Variants in OPCML observed in about 807,000 individuals in gnomAD.
OPCML encodes opioid-binding protein/cell adhesion molecule.
Under a neutral mutation model 37.8 loss-of-function variants are expected in OPCML, and 13 were observed. That is an observed-to-expected ratio of 0.34 (90% CI 0.22 to 0.55). The LOEUF (loss-of-function observed/expected upper bound fraction) is 0.55. Ranked by LOEUF, OPCML falls within the 20% of genes least tolerant of loss-of-function variation. The probability of loss-of-function intolerance (pLI) is 0.91; values close to 1 mark genes in which losing one functional copy is unlikely to be tolerated. For missense variants in OPCML, 341 were observed against 435.6 expected (o/e 0.78, Z 1.93); for synonymous variants, 176 against 168.8 (o/e 1.04, Z -0.33).
intron 1 of OPCML, among the ~76,000 whole-genome samples, chr11:133,068,404 T>A (rs1011392915): frequency 1.3e-5 from 2 of 152,224 alleles, no homozygotes; most frequent in African/African-American, 2.4e-5. Flanking sequence ...TATGCCCAAA[T>A]GGTAAAGGGG....
intron 1 of OPCML, among the ~76,000 whole-genome samples, chr11:133,123,533 A>T (rs1279477650): frequency 6.6e-6 from 1 of 152,176 alleles, no homozygotes; most frequent in African/African-American, 2.4e-5. Context: ...TCCGAGGGTG[A>T]CAAGCTATTC....
chr11:133,222,028 T>TA (rs1466409193), intron 1 of OPCML, among the ~76,000 whole-genome samples: 2 of 152,184 alleles, frequency 1.3e-5, no homozygotes, highest in African/African-American at 4.8e-5. Flanking sequence ...TCCCAGTGTA[T>TA]ACCCTCCCAA....
intron 1 of OPCML, among the ~76,000 whole-genome samples, chr11:133,524,184 G>T (rs954081714): frequency 1.3e-5 from 2 of 152,212 alleles, no homozygotes; most frequent in Admixed American, 1.3e-4. Flanking sequence ...ATTCAGAGAT[G>T]AATAAGTCAG....
intron 2 of OPCML, among the ~76,000 whole-genome samples, chr11:132,683,988 AC>A (rs991224359): frequency 3.3e-5 from 5 of 152,090 alleles, no homozygotes; most frequent in African/African-American, 1.2e-4. Flanking sequence ...TTTGTCTCCA[AC>A]TTTATACTTG....
chr11:132,460,422 C>A (rs2096097329), intron 4 of OPCML, among the ~76,000 whole-genome samples: 1 of 152,100 alleles, frequency 6.6e-6, no homozygotes, highest in African/African-American at 2.4e-5. Context: ...AGAGTTTCAA[C>A]CTCACAAACC....
At chr11:132,587,005 A>G (rs1443359851) in intron 3 of OPCML, among the ~76,000 whole-genome samples, 1 of 152,224 alleles carries the variant, frequency 6.6e-6, no homozygotes, top group Non-Finnish European at 1.5e-5. Context: ...TGATTTGTTT[A>G]CTGGGTGACA....
chr11:133,150,843 C>T (rs1392722045), intron 1 of OPCML, among the ~76,000 whole-genome samples: 1 of 152,040 alleles, frequency 6.6e-6, no homozygotes, highest in Non-Finnish European at 1.5e-5. Flanking sequence ...GGGATGGCCA[C>T]AGGGCTGAGC....
At chr11:133,145,487 T>C (rs1204433699) in intron 1 of OPCML, among the ~76,000 whole-genome samples, 1 of 152,158 alleles carries the variant, frequency 6.6e-6, no homozygotes, top group African/African-American at 2.4e-5. Context: ...GAGAAAAAGT[T>C]GTGCTGGAAG....
At chr11:132,469,502 T>A (rs1372084046) in intron 4 of OPCML, among the ~76,000 whole-genome samples, 1 of 149,826 alleles carries the variant, frequency 6.7e-6, no homozygotes, top group Non-Finnish European at 1.5e-5. Flanking sequence ...TGTGTATGTA[T>A]GTGTGTGTAT....
At chr11:132,589,678 C>G (rs1014143662) in intron 3 of OPCML, among the ~76,000 whole-genome samples, 6 of 152,162 alleles carry the variant, frequency 3.9e-5, no homozygotes, top group Non-Finnish European at 7.4e-5. Context: ...CACTAGGATA[C>G]AGTGGAGAGG....
At chr11:133,131,817 T>C (rs988427706) in intron 1 of OPCML, among the ~76,000 whole-genome samples, 1 of 152,180 alleles carries the variant, frequency 6.6e-6, no homozygotes, top group African/African-American at 2.4e-5. Context: ...TGTCTTTATA[T>C]GGACAACTGG....
chr11:132,486,019 C>T (rs1195865332), intron 4 of OPCML, among the ~76,000 whole-genome samples: 1 of 152,214 alleles, frequency 6.6e-6, no homozygotes, highest in African/African-American at 2.4e-5. Context: ...TATCAACTTA[C>T]AGGAGTTCCA....
intron 2 of OPCML, among the ~76,000 whole-genome samples, chr11:132,920,526 A>G (rs1021679891): frequency 1.3e-5 from 2 of 152,162 alleles, no homozygotes; most frequent in African/African-American, 4.8e-5. Context: ...CCCCTGGAGA[A>G]GGACAGGGTC....
At chr11:133,311,388 G>A (rs1333932949) in intron 1 of OPCML, among the ~76,000 whole-genome samples, 2 of 152,124 alleles carry the variant, frequency 1.3e-5, no homozygotes, top group East Asian at 3.9e-4. Flanking sequence ...TTTGTTGAAA[G>A]CACTGAGAAT....
Position 132,562,582 on chromosome 11 carries a change from T to C in OPCML, c.380-33396A>G, listed in dbSNP as rs1376050010. 2.6e-5 allele frequency among the ~76,000 whole-genome samples: 4 copies of C among 152,252 alleles called. No individual in the cohort carries two copies. In the East Asian group the frequency reaches 5.8e-4, roughly 22 times the overall value. On this transcript the variant is annotated intron_variant, in intron 3 of 7. Transcript: ENST00000524381. ...ATGCCTATGCTATTTTTGATTTATA[T>C]ATAGGTTACATCTCAAGATTATCTT...
chr11:133,212,888 G>T lies in OPCML; in HGVS notation c.62-269878C>A, dbSNP rs749639934. Among the ~76,000 whole-genome samples the T allele has an allele frequency of 6.6e-6, 1 of 152,062 alleles. No homozygotes were observed. The highest frequency in any genetic ancestry group is 1.5e-5 in the Non-Finnish European group (1 of 68,028). ...TCTAAAATTCCACGTTTGTATCTGC[G>T]TCATGCCGTTAAACCACACATCAAG... On this transcript the variant is annotated intron_variant, in intron 1 of 7. Coordinates refer to ENST00000524381, the MANE Select transcript of OPCML (RefSeq NM_001012393.5). The surrounding 1 kb of genome is among the most constrained non-coding windows in gnomAD (Gnocchi z 4.9).
At chr11:133,054,720 C>T (rs998825808) in intron 1 of OPCML, among the ~76,000 whole-genome samples, 5 of 152,244 alleles carry the variant, frequency 3.3e-5, no homozygotes, top group Admixed American at 6.5e-5. Context: ...ACTGCCTCTT[C>T]TCAGCCTAGT....
At chr11:132,466,974 G>A (rs562300623) in intron 4 of OPCML, among the ~76,000 whole-genome samples, 9 of 152,314 alleles carry the variant, frequency 5.9e-5, no homozygotes, top group Admixed American at 3.9e-4. Flanking sequence ...TTTGTGGAGG[G>A]AGAGGGGTTT....
intron 1 of OPCML, among the ~76,000 whole-genome samples, chr11:133,180,509 G>A (rs1323547227): frequency 6.6e-6 from 1 of 152,114 alleles, no homozygotes; most frequent in Non-Finnish European, 1.5e-5. Flanking sequence ...TGCAAGAGGG[G>A]CAAGAGGATC....
Sources: gnomAD v4.1 joint callset for allele counts (sites outside exome capture counted in the v4.1 genomes callset) on GRCh38, gnomAD v4.1.1 for gene constraint, Gnocchi (gnomAD v3.1) non-coding constraint, MANE v1.5 for transcripts, NCBI Gene and HGNC (gene_info 2026-07-23, HGNC 2026-07-21) for gene names.